Variants in DAB1 observed in about 807,000 individuals in gnomAD.
DAB1 encodes the protein DAB adaptor protein 1.
DAB1 carries 15 observed loss-of-function variants against 64.6 expected under a neutral mutation model. The observed-to-expected ratio is 0.23, with a 90% CI of 0.16 to 0.36. DAB1 has a LOEUF of 0.36. Among genes scored for constraint, DAB1 ranks in the 10% least tolerant of loss-of-function variants. DAB1 has a pLI of 1.00. For missense variants in DAB1, 596 were observed against 706.7 expected (o/e 0.84, Z 1.78); for synonymous variants, 235 against 251.9 (o/e 0.93, Z 0.64).
At chr1:57,306,589 C>G (rs1042503131) in intron 1 of DAB1, among the ~76,000 whole-genome samples, 1 of 151,012 alleles carries the variant, frequency 6.6e-6, no homozygotes, top group African/African-American at 2.4e-5. Context: ...AGAAATCCCC[C>G]CAGGCTCCTT....
chr1:57,693,700 G>A (rs1646791414), intron 6 of DAB1, among the ~76,000 whole-genome samples: 2 of 152,164 alleles, frequency 1.3e-5, no homozygotes, highest in African/African-American at 4.8e-5. Flanking sequence ...TGTAACACAT[G>A]CCACAAAGGT....
At chr1:58,488,170 T>C (rs1052619079) in intron 3 of DAB1, among the ~76,000 whole-genome samples, 1 of 152,184 alleles carries the variant, frequency 6.6e-6, no homozygotes, top group Non-Finnish European at 1.5e-5. Flanking sequence ...ATAAAGTTCA[T>C]TGATTACAAG....
chr1:57,011,074 A>C, intron 13 of DAB1, 71 bp downstream of exon 13: 1 of 1,583,630 alleles, frequency 6.3e-7, no homozygotes. Context: ...TTCCTCATGC[A>C]TTATCCATTT....
At position 57,321,705 on chromosome 1, in the gene DAB1, G is replaced by A. The variant is rs555929756; in HGVS notation, c.-136-30539C>T. ...AATCCATTTCTTCTATAAAATGGGAGTAATAGCTCTCACTTCCATTATGGC... is the reference window on the plus strand; with the variant it reads ...AATCCATTTCTTCTATAAAATGGGAATAATAGCTCTCACTTCCATTATGGC... On this transcript the variant is annotated intron_variant, in intron 1 of 14. Transcript: ENST00000371236. Among the ~76,000 whole-genome samples the A allele has an allele frequency of 1.0e-3, 152 of 152,256 alleles. 3 individuals carry two copies. The South Asian group carries it at 0.019, about 19-fold the overall frequency.
chr1:58,264,526 C>T (rs1661118120), intron 4 of DAB1, among the ~76,000 whole-genome samples: 1 of 152,212 alleles, frequency 6.6e-6, no homozygotes, highest in Non-Finnish European at 1.5e-5. Context: ...CAAGTTCAGA[C>T]TTGGTTTTCC....
chr1:57,431,777 G>T (rs1043178018), intron 7 of DAB1, among the ~76,000 whole-genome samples: 16 of 152,020 alleles, frequency 1.1e-4, no homozygotes, highest in African/African-American at 3.9e-4. Context: ...CACTCATAAA[G>T]TGGAGCTTAA....
chr1:58,105,972 C>T (rs564947769), intron 5 of DAB1, among the ~76,000 whole-genome samples: 4 of 152,156 alleles, frequency 2.6e-5, no homozygotes, highest in Non-Finnish European at 5.9e-5. Flanking sequence ...AAATGGCTCA[C>T]GTTAAATCCC....
At chr1:57,425,601 G>A (rs924390992), upstream of DAB1, among the ~76,000 whole-genome samples, 2 of 152,164 alleles carry the variant, frequency 1.3e-5, no homozygotes, top group African/African-American at 4.8e-5. Flanking sequence ...AGCAAACGGA[G>A]GCTGTCATGC....
At chr1:57,053,682 A>AT (rs1482240267) in intron 9 of DAB1, among the ~76,000 whole-genome samples, 1 of 92,640 alleles carries the variant, frequency 1.1e-5, no homozygotes, top group African/African-American at 3.8e-5. Context: ...ATATATATAT[A>AT]TATATATTTT....
At chr1:57,696,756 T>C (rs183049769) in intron 6 of DAB1, among the ~76,000 whole-genome samples, 37 of 152,310 alleles carry the variant, frequency 2.4e-4, no homozygotes, top group Non-Finnish European at 4.7e-4. Context: ...CCTTTTACCT[T>C]CTTTGAGTGT....
intron 2 of DAB1, among the ~76,000 whole-genome samples, chr1:57,288,778 G>C (rs1570173128): frequency 6.6e-6 from 1 of 152,190 alleles, no homozygotes; most frequent in African/African-American, 2.4e-5. Context: ...ACAGGGAAGG[G>C]AGGGGAAGAG....
chr1:57,923,048 T>A (rs1246362226), intron 5 of DAB1, among the ~76,000 whole-genome samples: 2 of 151,048 alleles, frequency 1.3e-5, no homozygotes, highest in Admixed American at 1.3e-4. Context: ...GAAGACAATT[T>A]AGAAAATGGA....
intron 4 of DAB1, among the ~76,000 whole-genome samples, chr1:58,283,832 T>C (rs2100442579): frequency 6.6e-6 from 1 of 152,334 alleles, no homozygotes; most frequent in Admixed American, 6.5e-5. Context: ...TGACAGACTT[T>C]GTCCTCGAAG....
At chr1:57,244,098 T>C (rs74639990) in intron 2 of DAB1, among the ~76,000 whole-genome samples, 5,206 of 152,340 alleles carry the variant, frequency 0.034, 83 homozygotes, top group Non-Finnish European at 0.039. Flanking sequence ...TATTCTCTTT[T>C]TGTGTATTCT....
intron 3 of DAB1, among the ~76,000 whole-genome samples, chr1:58,444,052 A>G (rs1294139285): frequency 6.6e-6 from 1 of 152,196 alleles, no homozygotes; most frequent in Non-Finnish European, 1.5e-5. Context: ...GTAATTGCTG[A>G]CTTGTTGTTA....
At chr1:58,041,820 A>T (rs113812088) in intron 5 of DAB1, among the ~76,000 whole-genome samples, 4,277 of 152,290 alleles carry the variant, frequency 0.028, 167 homozygotes, top group African/African-American at 0.094. Context: ...GAATGCTTTG[A>T]TCAACTAGCC....
chr1:58,202,597 T>C (rs1282405188), intron 4 of DAB1, among the ~76,000 whole-genome samples: 1 of 152,280 alleles, frequency 6.6e-6, no homozygotes, highest in South Asian at 2.1e-4. Context: ...TGTCAATTTC[T>C]GTTTCACAAA....
intron 7 of DAB1, among the ~76,000 whole-genome samples, chr1:57,571,888 G>A (rs1266475608): frequency 6.6e-6 from 1 of 152,214 alleles, no homozygotes; most frequent in Non-Finnish European, 1.5e-5. Flanking sequence ...CAGCGGGAGA[G>A]AGCAGCCAGC....
intron 6 of DAB1, among the ~76,000 whole-genome samples, chr1:57,759,616 T>G (rs1648974194): frequency 6.6e-6 from 1 of 152,180 alleles, no homozygotes; most frequent in African/African-American, 2.4e-5. Flanking sequence ...TTTCATTTTG[T>G]TTTTTCTAAT....
Sources: gnomAD v4.1 joint callset for allele counts (sites outside exome capture counted in the v4.1 genomes callset) on GRCh38, gnomAD v4.1.1 for gene constraint, MANE v1.5 for transcripts, NCBI Gene and HGNC (gene_info 2026-07-23, HGNC 2026-07-21) for gene names.